The following DOCK3 variants were observed in gnomAD, a reference collection of about 807,000 sequenced individuals.
DOCK3 encodes dedicator of cytokinesis protein 3.
DOCK3 carries 60 observed loss-of-function variants against 265.6 expected under a neutral mutation model. That is an observed-to-expected ratio of 0.23 (90% confidence interval 0.18 to 0.28). The LOEUF is 0.28. DOCK3 is among the 10% of genes least tolerant of loss of function. The pLI is 1.00. For missense variants in DOCK3, 1,981 were observed against 2,594.3 expected, an observed-to-expected ratio of 0.76 and a Z score of 5.14; for synonymous variants, 881 against 938.0, an observed-to-expected ratio of 0.94 and a Z score of 1.11.
At chr3:51,049,825 ACACC>A (rs1441215375) in intron 5 of DOCK3, among the ~76,000 whole-genome samples, 1,297 of 110,184 alleles carry the variant, frequency 0.012, 11 homozygotes, top group African/African-American at 0.018. Context: ...ACACACACAC[ACACC>A]CCAAAAAAAC....
intron 5 of DOCK3, among the ~76,000 whole-genome samples, chr3:50,988,862 C>T (rs1194045062): frequency 1.3e-5 from 2 of 152,172 alleles, no homozygotes; most frequent in African/African-American, 4.8e-5. Context: ...TCCAGCCTCC[C>T]CCAGCCAGAG....
At chr3:50,757,241 G>T (rs1398594040) in intron 1 of DOCK3, among the ~76,000 whole-genome samples, 1 of 142,038 alleles carries the variant, frequency 7.0e-6, no homozygotes, top group Non-Finnish European at 1.5e-5. Flanking sequence ...TGTGATCTCG[G>T]CTCACTGCAG....
chr3:50,915,685 C>T (rs998905672), intron 4 of DOCK3, among the ~76,000 whole-genome samples: 2 of 151,996 alleles, frequency 1.3e-5, no homozygotes, highest in African/African-American at 4.8e-5. Flanking sequence ...ACCCAGGTAT[C>T]ATTTTCCTGG....
intron 1 of DOCK3, among the ~76,000 whole-genome samples, chr3:50,762,282 C>G (rs374672301): frequency 6.6e-6 from 1 of 151,644 alleles, no homozygotes; most frequent in African/African-American, 2.4e-5. Context: ...AATAGATAAC[C>G]TTAAGGTAGG....
chr3:51,078,343 G>A (rs1313341103), intron 7 of DOCK3, among the ~76,000 whole-genome samples: 1 of 152,150 alleles, frequency 6.6e-6, no homozygotes, highest in Non-Finnish European at 1.5e-5. Context: ...GAGAGAAAAC[G>A]TTTAAAAGTT....
chr3:50,990,646 G>A (rs1172662111), intron 5 of DOCK3, among the ~76,000 whole-genome samples: 1 of 152,172 alleles, frequency 6.6e-6, no homozygotes, highest in Admixed American at 6.5e-5. Context: ...ATGATCACAA[G>A]GTCCCACAGT....
intron 1 of DOCK3, among the ~76,000 whole-genome samples, chr3:50,679,413 A>C (rs778762935): frequency 6.6e-5 from 10 of 152,144 alleles, no homozygotes; most frequent in Non-Finnish European, 4.4e-5. Flanking sequence ...ATTTTTTCCT[A>C]TTTAAAAAGT....
chr3:51,319,901 G>A (rs2109758218), intron 32 of DOCK3, among the ~76,000 whole-genome samples: 1 of 152,042 alleles, frequency 6.6e-6, no homozygotes, highest in African/African-American at 2.4e-5. Flanking sequence ...AAACGCAATA[G>A]CTATAATGAA....
rs764425849 is a variant in DOCK3 at position 51,064,479 on chromosome 3, G to A, written c.347G>A (p.Arg116His). ...AAAGTAGATCTTTTCTACAAACTAC[G>A]CCATGTGATGAATGAACTTATTGAC... ...KHKVDLFYKL[R>H]HVMNELIDLR... is the part of the protein sequence containing the mutation. The change falls in exon 6 of 53, where the codon CGC becomes CAC. Residue 116 changes from arginine to histidine, a missense_variant. Coordinates refer to ENST00000266037, the MANE Select transcript of DOCK3 (RefSeq NM_004947.5). 28 of 1,613,818 alleles carry A rather than the reference G, an allele frequency of 1.7e-5. No homozygotes were observed. The highest frequency in any genetic ancestry group is 2.2e-5 in the South Asian group (2 of 91,074).
intron 5 of DOCK3, among the ~76,000 whole-genome samples, chr3:50,962,039 A>G (rs995119146): frequency 6.6e-6 from 1 of 151,798 alleles, no homozygotes; most frequent in African/African-American, 2.4e-5. Context: ...TCTGGGATAC[A>G]TGTGCAGAAC....
intron 38 of DOCK3, among the ~76,000 whole-genome samples, chr3:51,346,923 T>C (rs964959683): frequency 6.6e-6 from 1 of 152,262 alleles, no homozygotes; most frequent in Non-Finnish European, 1.5e-5. Flanking sequence ...GTCTGTTGGC[T>C]ACATAAATGT....
At chr3:50,744,758 G>C (rs1422118296) in intron 1 of DOCK3, among the ~76,000 whole-genome samples, 1 of 152,146 alleles carries the variant, frequency 6.6e-6, no homozygotes, top group East Asian at 1.9e-4. Flanking sequence ...TGTATGTGTT[G>C]ATAGGTAAAG....
intron 3 of DOCK3, among the ~76,000 whole-genome samples, chr3:50,866,718 T>C (rs1054239318): frequency 2.0e-5 from 3 of 152,136 alleles, no homozygotes; most frequent in African/African-American, 7.2e-5. Flanking sequence ...CTGGGCACCT[T>C]TGTTGAAAAT....
intron 4 of DOCK3, among the ~76,000 whole-genome samples, chr3:50,891,604 T>C (rs190980848): frequency 6.6e-6 from 1 of 152,010 alleles, no homozygotes; most frequent in Admixed American, 6.6e-5. Flanking sequence ...AAAGTATATA[T>C]TTTGGAAAGT....
intron 1 of DOCK3, among the ~76,000 whole-genome samples, chr3:50,727,831 A>G (rs1263241506): frequency 1.3e-5 from 2 of 152,258 alleles, no homozygotes; most frequent in Non-Finnish European, 2.9e-5. Context: ...AAAAATTGAG[A>G]ACTAAAGAGA....
intron 5 of DOCK3, among the ~76,000 whole-genome samples, chr3:51,017,601 C>G (rs1276957940): frequency 2.0e-5 from 3 of 151,662 alleles, no homozygotes; most frequent in Non-Finnish European, 2.9e-5. Context: ...CCTTCTTAAC[C>G]TCTTCATTGA....
intron 5 of DOCK3, among the ~76,000 whole-genome samples, chr3:50,978,416 G>A (rs1437876006): frequency 8.0e-5 from 1 of 12,548 alleles, no homozygotes; most frequent in East Asian, 1.2e-3. Context: ...TGAGGTGTCA[G>A]TGTGCCCCTG....
At chr3:50,922,914 C>T (rs1286073778) in intron 4 of DOCK3, among the ~76,000 whole-genome samples, 3 of 152,036 alleles carry the variant, frequency 2.0e-5, no homozygotes, top group Admixed American at 2.0e-4. Flanking sequence ...TTATGCCTCT[C>T]CCCCTTCCCA....
intron 23 of DOCK3, among the ~76,000 whole-genome samples, chr3:51,266,243 G>A (rs926180429): frequency 6.6e-6 from 1 of 152,088 alleles, no homozygotes; most frequent in African/African-American, 2.4e-5. Flanking sequence ...CGTGAAAATG[G>A]CCATACTGCC....
Sources: allele counts gnomAD v4.1 joint callset (sites outside exome capture counted in the v4.1 genomes callset), GRCh38; gene constraint gnomAD v4.1.1; transcripts MANE v1.5; gene names NCBI Gene and HGNC (gene_info 2026-07-23, HGNC 2026-07-21).